The following HEATR5B variants were observed in gnomAD, a reference collection of about 807,000 sequenced individuals.
The protein encoded by HEATR5B is HEAT repeat-containing protein 5B.
Under a neutral mutation model 224.1 loss-of-function variants are expected in HEATR5B, and 156 were observed. The ratio of observed to expected loss-of-function variants is 0.70; its 90% CI spans 0.61 to 0.80. The LOEUF is 0.80. Ranked by LOEUF, HEATR5B falls within the 30% of genes least tolerant of loss-of-function variation. HEATR5B has a pLI of 0.00. For missense variants in HEATR5B, 2,323 were observed against 2,535.5 expected, an observed-to-expected ratio of 0.92 and a Z score of 1.80; for synonymous variants, 1,027 against 893.0, an observed-to-expected ratio of 1.15 and a Z score of -2.68.
chr2:37,072,314 C>G, intron 5 of HEATR5B, 33 bp from the exon 6 acceptor site: 1 of 1,458,826 alleles, frequency 6.9e-7, no homozygotes, highest in South Asian at 1.2e-5. Flanking sequence ...AAATAACATC[C>G]TATAACATCT....
At chr2:36,983,075 T>G (rs1231143465) in intron 35 of HEATR5B, among the ~76,000 whole-genome samples, 3 of 152,154 alleles carry the variant, frequency 2.0e-5, no homozygotes, top group Admixed American at 6.6e-5. Flanking sequence ...TGAATAAACA[T>G]ACATACTCTT....
chr2:36,992,392 G>A (rs1666390093), intron 33 of HEATR5B, among the ~76,000 whole-genome samples: 1 of 151,974 alleles, frequency 6.6e-6, no homozygotes. Flanking sequence ...ACTAGCCTGG[G>A]CAATATGCTG....
intron 16 of HEATR5B, chr2:37,055,070 G>T (rs1183595462): frequency 2.5e-6 from 1 of 399,212 alleles, no homozygotes; most frequent in Non-Finnish European, 5.2e-6. Flanking sequence ...ATTCTTAAAA[G>T]TAAGTAAGTA....
In HEATR5B at chr2:37,049,682, A is replaced by G; in HGVS notation, c.2667T>C (p.Ile889=). The change falls in exon 18 of 36, where the codon ATT becomes ATC. Residue 889 remains isoleucine (I), a synonymous_variant. Transcript: ENST00000233099. The part of the protein sequence containing the change: ...MAQVVGEATF[I]ARMAQYSFDK... ...CAAAGCTATATTGGGCCATTCTAGC[A>G]ATAAAAGTTGCTTCTCCAACCACCT... 8 of 1,613,936 alleles carry G rather than the reference A, an allele frequency of 5.0e-6. No individual in the cohort carries two copies. Among genetic ancestry groups the G allele is most frequent in the Non-Finnish European group, 6.8e-6 (8 of 1,179,966 alleles).
intron 12 of HEATR5B, among the ~76,000 whole-genome samples, chr2:37,059,442 GTGTGTATA>G (rs1198953058): frequency 8.4e-5 from 5 of 59,700 alleles, no homozygotes; most frequent in East Asian, 7.5e-4. Flanking sequence ...GTGTGTGTGT[GTGTGTATA>G]TATATATATA....
intron 27 of HEATR5B, among the ~76,000 whole-genome samples, chr2:37,010,529 T>C (rs562467415): frequency 2.9e-5 from 3 of 105,230 alleles, no homozygotes; most frequent in African/African-American, 6.6e-5. Flanking sequence ...GTTTTTTTTT[T>C]TGAGATGGGA....
Position 37,009,256 on chromosome 2 carries a change from C to CA in HEATR5B, c.4285-409dup, listed in dbSNP as rs57022846. On this transcript the variant is annotated intron_variant, in intron 27 of 35. Transcript: ENST00000233099. ...CTGGTGACAAAGTGAGACTCTGTCT[C>CA]AAAAAAAAAAAAAAAAAAAAAAAAG... Among the ~76,000 whole-genome samples, 484 of 65,062 alleles carry CA rather than the reference C, an allele frequency of 7.4e-3. 6 individuals carry two copies. Among genetic ancestry groups the CA allele is most frequent in the East Asian group, 0.013 (32 of 2,514 alleles). 42.7% of individuals were successfully genotyped at this position (65,062 alleles called of 152,430 possible).
intron 10 of HEATR5B, among the ~76,000 whole-genome samples, chr2:37,063,141 A>T (rs1671385129): frequency 6.6e-6 from 1 of 152,126 alleles, no homozygotes; most frequent in East Asian, 1.9e-4. Context: ...AGTTCAACAA[A>T]TCTTTGAATG....
chr2:37,065,022 T>A, intron 9 of HEATR5B, 32 bp from the exon 10 acceptor site: 1 of 1,599,482 alleles, frequency 6.3e-7, no homozygotes, highest in Non-Finnish European at 8.6e-7. Context: ...TATTACTCTT[T>A]AATGAAGTCA....
intron 2 of HEATR5B, 52 bp downstream of exon 2, chr2:37,083,237 C>T: frequency 2.5e-6 from 4 of 1,600,042 alleles, no homozygotes; most frequent in Non-Finnish European, 3.4e-6. Flanking sequence ...AGAATCATGA[C>T]CACATAATCT....
intron 2 of HEATR5B, 130 bp downstream of exon 2, chr2:37,083,159 T>C (rs895316110): frequency 1.0e-6 from 1 of 986,142 alleles, no homozygotes; most frequent in African/African-American, 1.6e-5. Flanking sequence ...AAATTTCCCA[T>C]TCGTGTAATA....
At chr2:36,990,327 CAAT>C (rs1666243700) in intron 34 of HEATR5B, among the ~76,000 whole-genome samples, 1 of 152,158 alleles carries the variant, frequency 6.6e-6, no homozygotes, top group Admixed American at 6.5e-5. Flanking sequence ...ATTAAAACGT[CAAT>C]AATATAAGCT....
chr2:36,985,218 T>C lies in HEATR5B; in HGVS notation c.5912-3424A>G, dbSNP rs1254846081. ...AATGTTGCCATCAAATTAATATGAT[T>C]TACATTCATTCATTTATTTGATGGT... On this transcript the variant is annotated intron_variant, in intron 35 of 35. Coordinates refer to ENST00000233099, the MANE Select transcript of HEATR5B (RefSeq NM_019024.3). Among the ~76,000 whole-genome samples the C allele has an allele frequency of 2.0e-5, 3 of 152,276 alleles. No individual in the cohort carries two copies. In the East Asian group the frequency reaches 5.8e-4, roughly 29 times the overall value.
At chr2:37,080,115 T>A (rs1170586852) in intron 2 of HEATR5B, among the ~76,000 whole-genome samples, 3 of 152,144 alleles carry the variant, frequency 2.0e-5, no homozygotes, top group African/African-American at 7.2e-5. Context: ...ATTCTTAGCA[T>A]CCTTAAAGAC....
At chr2:37,068,278 T>C (rs889754007) in intron 8 of HEATR5B, among the ~76,000 whole-genome samples, 2 of 152,200 alleles carry the variant, frequency 1.3e-5, no homozygotes, top group Non-Finnish European at 2.9e-5. Flanking sequence ...CATCTGTAAT[T>C]GTTCCTCTCT....
chr2:36,995,087 G>GTTTTTTTTTTTTT (rs775120824), intron 33 of HEATR5B, among the ~76,000 whole-genome samples: 1,310 of 104,032 alleles, frequency 0.013, 223 homozygotes, highest in African/African-American at 0.039. Flanking sequence ...GTTATTCCTT[G>GTTTTTTTTTTTTT]TTTTTTTTTT....
intron 12 of HEATR5B, 22 bp from the exon 13 acceptor site, chr2:37,059,009 A>G: frequency 6.8e-7 from 1 of 1,479,064 alleles, no homozygotes; most frequent in Non-Finnish European, 9.4e-7. Flanking sequence ...GTTTAAAAGG[A>G]CAGATTTGGA....
At chr2:37,044,968 A>G (rs1189138063) in intron 18 of HEATR5B, among the ~76,000 whole-genome samples, 1 of 152,206 alleles carries the variant, frequency 6.6e-6, no homozygotes, top group Non-Finnish European at 1.5e-5. Context: ...ACACAAATAC[A>G]GCTGACTGAC....
chr2:36,994,812 C>T (rs931862543), intron 33 of HEATR5B, among the ~76,000 whole-genome samples: 6 of 152,100 alleles, frequency 3.9e-5, no homozygotes, highest in African/African-American at 1.4e-4. Flanking sequence ...AGTGCAGTGG[C>T]GCGATCTCAG....
Sources: gnomAD v4.1 joint callset for allele counts (sites outside exome capture counted in the v4.1 genomes callset) on GRCh38, gnomAD v4.1.1 for gene constraint, MANE v1.5 for transcripts, NCBI Gene and HGNC (gene_info 2026-07-23, HGNC 2026-07-21) for gene names.